NBR1: variants seen among roughly 807,000 people sequenced by gnomAD.
The protein encoded by NBR1 is next to BRCA1 gene 1 protein.
Under a neutral mutation model 115.5 loss-of-function variants are expected in NBR1, and 59 were observed. That is an observed-to-expected ratio of 0.51 (90% CI 0.41 to 0.63). The LOEUF is 0.63. Ranked by LOEUF, NBR1 falls within the 30% of genes least tolerant of loss-of-function variation. NBR1 has a pLI of 0.00. For synonymous variants in NBR1, 373 were observed against 414.7 expected (o/e 0.90, Z 1.22); for missense variants, 1,043 against 1,150.5 (o/e 0.91, Z 1.35).
chr17:43,189,684 T>G lies in NBR1; in HGVS notation c.577T>G (p.Ser193Ala), dbSNP rs1431280847. 6.2e-7 allele frequency: 1 copy of G among 1,613,974 alleles called. No homozygotes were observed. Among genetic ancestry groups the G allele is most frequent in the Admixed American group, 1.7e-5 (1 of 60,026 alleles). The stretch of plus-strand genomic sequence containing the variant: ...GAACCCATCCTTGGGTTCTTGTCCC[T>G]CAGAAGTCTCAATGCCTACTTCAGA... ...LQNPSLGSCPSEVSMPTSEET... is the reference protein window; with the variant it reads ...LQNPSLGSCPAEVSMPTSEET... Residue 193 changes from serine (S) to alanine (A), a missense_variant, in exon 8 of 21, where the codon TCA becomes GCA. By Grantham distance (99) the Ser-to-Ala change is moderately conservative (BLOSUM62 1). Coordinates refer to ENST00000590996, the MANE Select transcript of NBR1 (RefSeq NM_005899.5).
Position 43,186,328 on chromosome 17 carries a change from G to C in NBR1, c.286G>C (p.Val96Leu). 2 of 1,594,866 alleles carry C rather than the reference G, an allele frequency of 1.3e-6. No homozygotes were observed. Among genetic ancestry groups the C allele is most frequent in the Non-Finnish European group, 1.7e-6 (2 of 1,170,616 alleles). Residue 96 changes from valine to leucine, a missense_variant, in exon 6 of 21, where the codon GTT (valine) becomes CTT (leucine). Transcript: ENST00000590996. ...TGTCGTTGATGAAGCCCCACCCCCA[G>C]TTGTAGGAGCAAAACGACTAGCTGC... ...HHVVDEAPPP[V>L]VGAKRLAARA...
intron 16 of NBR1, among the ~76,000 whole-genome samples, chr17:43,199,385 T>A (rs2057143240): frequency 1.3e-5 from 2 of 151,656 alleles, no homozygotes; most frequent in Non-Finnish European, 1.5e-5. Context: ...TGGGTAGCTT[T>A]TTTTTTTTTT....
Position 43,193,540 on chromosome 17 carries a change from A to G in NBR1, c.1426A>G (p.Ile476Val). The G allele has an allele frequency of 6.2e-7, 1 of 1,613,406 alleles. No homozygotes were observed. The highest frequency in any genetic ancestry group is 8.5e-7 in the Non-Finnish European group (1 of 1,179,662). The change falls in exon 12 of 21, where the codon ATC becomes GTC. Residue 476 changes from isoleucine (I) to valine (V), a missense_variant. Coordinates refer to ENST00000590996, the MANE Select transcript of NBR1 (RefSeq NM_005899.5). Reference protein sequence around the residue: ...QQFGPRVWCSIIVDPFPSEES... With the variant: ...QQFGPRVWCSVIVDPFPSEES... ...ATTTGGGCCTCGGGTCTGGTGCAGT[A>G]TCATAGTAGATCCTTTCCCCTCCGA...
rs2056923370 is a variant in NBR1, at chr17:43,190,693, G to C, written c.780G>C (p.Arg260=). Residue 260 remains arginine (R), a synonymous_variant, in exon 9 of 21, where the codon CGG becomes CGC. Transcript: ENST00000590996. ...CTAACCACGTCCTGCTGAAGTTGCG[G>C]AGACCTGTTGTGGGCTCCTCTGAAC... ...HDTNHVLLKL[R]RPVVGSSEPF... 3 of 1,613,844 alleles carry C rather than the reference G, an allele frequency of 1.9e-6. No individual in the cohort carries two copies. The African/African-American group carries it at 4.0e-5, about 22-fold the overall frequency.
At chr17:43,184,590 T>C (rs559247369) in intron 5 of NBR1, among the ~76,000 whole-genome samples, 1 of 151,674 alleles carries the variant, frequency 6.6e-6, no homozygotes, top group East Asian at 2.0e-4. Context: ...GGTCTCGAAC[T>C]CCTGACCTCA....
At chr17:43,186,003 A>AAAAT (rs57886411) in intron 5 of NBR1, among the ~76,000 whole-genome samples, 1,643 of 147,178 alleles carry the variant, frequency 0.011, 34 homozygotes, top group African/African-American at 0.038. Flanking sequence ...CTCCGTCTCA[A>AAAAT]AAATAAATAA....
At chr17:43,177,870 G>A in intron 2 of NBR1, 66 bp from the exon 3 acceptor site, 1 of 1,279,106 alleles carries the variant, frequency 7.8e-7, no homozygotes, top group Non-Finnish European at 1.0e-6. Flanking sequence ...TTGATTTTGT[G>A]GGTTTTTTTT....
intron 8 of NBR1, chr17:43,190,230 A>G (rs556113822): frequency 3.1e-6 from 1 of 319,620 alleles, no homozygotes; most frequent in South Asian, 2.9e-5. Context: ...CTGGGATCAC[A>G]GACTGCCTTT....
chr17:43,202,550 A>C (rs923937319), intron 18 of NBR1, 105 bp from the exon 19 acceptor site: 14 of 703,300 alleles, frequency 2.0e-5, no homozygotes, highest in Non-Finnish European at 3.3e-5. Flanking sequence ...GACTTCAAAC[A>C]CTGTGATCAG....
At chr17:43,185,916 G>A (rs943877924) in intron 5 of NBR1, among the ~76,000 whole-genome samples, 7 of 151,964 alleles carry the variant, frequency 4.6e-5, no homozygotes, top group African/African-American at 1.5e-4. Context: ...CAGGAGAATC[G>A]TTTGAACCCA....
At chr17:43,207,420 A>G (rs1257378541) in intron 20 of NBR1, among the ~76,000 whole-genome samples, 1 of 152,214 alleles carries the variant, frequency 6.6e-6, no homozygotes, top group Non-Finnish European at 1.5e-5. Flanking sequence ...TGCAATAACT[A>G]GATTGTAGCT....
intron 20 of NBR1, among the ~76,000 whole-genome samples, chr17:43,204,224 C>T (rs1321183753): frequency 2.0e-5 from 3 of 151,396 alleles, no homozygotes; most frequent in Non-Finnish European, 2.9e-5. Context: ...AGGTGTGAGC[C>T]ACCGCACCTG....
intron 2 of NBR1, among the ~76,000 whole-genome samples, chr17:43,177,620 C>CACACACACACACACAG (rs1330894405): frequency 5.4e-4 from 77 of 141,680 alleles, no homozygotes; most frequent in African/African-American, 1.9e-3. Context: ...CACACACACA[C>CACACACACACACACAG]AGTTTGGTAT....
intron 5 of NBR1, among the ~76,000 whole-genome samples, chr17:43,183,654 A>C (rs995262360): frequency 6.6e-6 from 1 of 152,058 alleles, no homozygotes; most frequent in Non-Finnish European, 1.5e-5. Flanking sequence ...GTGCATCACC[A>C]CACTTGGCTG....
intron 2 of NBR1, among the ~76,000 whole-genome samples, chr17:43,177,166 C>T (rs957502880): frequency 6.7e-5 from 10 of 149,250 alleles, no homozygotes; most frequent in South Asian, 2.1e-4. Context: ...CCAGCTACTC[C>T]GGAGGTTGAG....
Position 43,194,508 on chromosome 17 carries a change from T to C in NBR1, c.1674+9T>C, listed in dbSNP as rs540188199. The C allele has an allele frequency of 1.7e-5, 27 of 1,613,596 alleles. No homozygotes were observed. The African/African-American group carries it at 3.2e-4, about 19-fold the overall frequency. ...ATCTTCTGACTGCCCAGGTGGAAGATTCAGCACTTTGAAGGGCAAGGGACA... is the reference window on the plus strand; with the variant it reads ...ATCTTCTGACTGCCCAGGTGGAAGACTCAGCACTTTGAAGGGCAAGGGACA... On this transcript the variant is annotated intron_variant, in intron 13 of 20. Transcript: ENST00000590996.
At chr17:43,173,834 C>G (rs1401661723) in intron 1 of NBR1, among the ~76,000 whole-genome samples, 1 of 149,036 alleles carries the variant, frequency 6.7e-6, no homozygotes, top group Non-Finnish European at 1.5e-5. Context: ...CTCTGCCCCC[C>G]ACCCCCACCC....
At chr17:43,208,991 C>A (rs374448545) in intron 20 of NBR1, among the ~76,000 whole-genome samples, 1 of 151,970 alleles carries the variant, frequency 6.6e-6, no homozygotes, top group African/African-American at 2.4e-5. Flanking sequence ...ACAACAACAA[C>A]AACAAAACAA....
chr17:43,185,839 A>G (rs2056787656), intron 5 of NBR1, among the ~76,000 whole-genome samples: 1 of 152,006 alleles, frequency 6.6e-6, no homozygotes. Context: ...TCTACTACAA[A>G]TACAAAAATT....
Sources: gnomAD v4.1 joint callset for allele counts (sites outside exome capture counted in the v4.1 genomes callset) on GRCh38, gnomAD v4.1.1 for gene constraint, MANE v1.5 for transcripts, NCBI Gene and HGNC (gene_info 2026-07-23, HGNC 2026-07-21) for gene names.